TBCK: variants seen among roughly 807,000 people sequenced by gnomAD.
TBCK encodes TBC1 domain containing kinase.
A neutral mutation model predicts 113.4 loss-of-function variants in TBCK; 99 were observed. That is an observed-to-expected ratio of 0.87 (90% CI 0.74 to 1.03). The LOEUF (loss-of-function observed/expected upper bound fraction) is 1.03. Among genes scored for constraint, TBCK ranks in the 50% least tolerant of loss-of-function variants. TBCK has a pLI of 0.00. For missense variants in TBCK, 1,045 were observed against 1,061.3 expected, an observed-to-expected ratio of 0.98 and a Z score of 0.21; for synonymous variants, 369 against 370.8, an observed-to-expected ratio of 1.00 and a Z score of 0.05.
chr4:106,113,609 T>C (rs28765420), intron 24 of TBCK, among the ~76,000 whole-genome samples: 35,159 of 151,926 alleles, frequency 0.23, 4,136 homozygotes, highest in South Asian at 0.27. Context: ...GGACCCAACC[T>C]GGTACCAGAA....
chr4:106,234,285 T>G (rs1759210267), intron 15 of TBCK, among the ~76,000 whole-genome samples: 1 of 152,146 alleles, frequency 6.6e-6, no homozygotes, highest in African/African-American at 2.4e-5. Flanking sequence ...TATATTGTTC[T>G]ACAAGTCTAA....
intron 25 of TBCK, among the ~76,000 whole-genome samples, chr4:106,058,719 T>C (rs1418563041): frequency 2.0e-5 from 3 of 151,628 alleles, no homozygotes; most frequent in African/African-American, 7.3e-5. Flanking sequence ...TAAAAGATGA[T>C]TAGGATTCGA....
At chr4:106,154,676 T>C (rs1287362568) in intron 23 of TBCK, among the ~76,000 whole-genome samples, 1 of 152,160 alleles carries the variant, frequency 6.6e-6, no homozygotes, top group Non-Finnish European at 1.5e-5. Context: ...TCACTTTGCC[T>C]TCTGCCATGA....
intron 25 of TBCK, among the ~76,000 whole-genome samples, chr4:106,046,920 G>T (rs1166918478): frequency 6.6e-6 from 1 of 151,656 alleles, no homozygotes; most frequent in Non-Finnish European, 1.5e-5. Flanking sequence ...TGATTTTTTT[G>T]AATATGTGAT....
chr4:106,083,134 G>C (rs779792281), intron 25 of TBCK, among the ~76,000 whole-genome samples: 6 of 152,350 alleles, frequency 3.9e-5, no homozygotes, highest in Non-Finnish European at 8.8e-5. Context: ...GAGCTCCTTG[G>C]GGAAGGGGCA....
chr4:106,208,452 A>G (rs1471503738), intron 20 of TBCK, among the ~76,000 whole-genome samples: 1 of 149,814 alleles, frequency 6.7e-6, no homozygotes, highest in Non-Finnish European at 1.5e-5. Flanking sequence ...TCACAAACCA[A>G]TTAGCACATA....
chr4:106,215,401 G>A (rs1217657247), intron 19 of TBCK, among the ~76,000 whole-genome samples: 26 of 152,192 alleles, frequency 1.7e-4, no homozygotes, highest in Admixed American at 7.2e-4. Flanking sequence ...AAAGGCTCCA[G>A]TTAAAAGACA....
At chr4:106,273,709 G>T (rs939357304) in intron 3 of TBCK, among the ~76,000 whole-genome samples, 13 of 152,198 alleles carry the variant, frequency 8.5e-5, no homozygotes, top group Non-Finnish European at 1.6e-4. Flanking sequence ...GTGGCCACAA[G>T]CCAAAGAAGC....
intron 23 of TBCK, among the ~76,000 whole-genome samples, chr4:106,123,889 A>G (rs1744793509): frequency 6.7e-6 from 1 of 150,364 alleles, no homozygotes; most frequent in Non-Finnish European, 1.5e-5. Flanking sequence ...ACCTAAAACC[A>G]TAAAAACCCT....
At chr4:106,203,638 A>G (rs1405836293) in intron 20 of TBCK, among the ~76,000 whole-genome samples, 2 of 151,990 alleles carry the variant, frequency 1.3e-5, no homozygotes, top group African/African-American at 4.8e-5. Flanking sequence ...CAAAAGAACT[A>G]TACACTGAAA....
chr4:106,121,778 GA>G (rs1057492703), intron 23 of TBCK, among the ~76,000 whole-genome samples: 1 of 152,090 alleles, frequency 6.6e-6, no homozygotes, highest in African/African-American at 2.4e-5. Context: ...ATGACTACTG[GA>G]TACATGACGA....
At chr4:106,090,130 G>T (rs373960172) in intron 25 of TBCK, among the ~76,000 whole-genome samples, 2 of 152,350 alleles carry the variant, frequency 1.3e-5, no homozygotes, top group East Asian at 3.9e-4. Flanking sequence ...TTCCCCACAC[G>T]TGCTCTGGAA....
intron 12 of TBCK, among the ~76,000 whole-genome samples, chr4:106,242,105 T>G (rs934259111): frequency 6.6e-6 from 1 of 152,046 alleles, no homozygotes; most frequent in Non-Finnish European, 1.5e-5. Context: ...CTAGAATATG[T>G]GAAAAGACTT....
chr4:106,166,017 TCA>T (rs1360416011), intron 23 of TBCK, among the ~76,000 whole-genome samples: 1 of 151,738 alleles, frequency 6.6e-6, no homozygotes, highest in Non-Finnish European at 1.5e-5. Flanking sequence ...ACAATTTATC[TCA>T]GTTTATAAAA....
chr4:106,050,010 T>C (rs532149762), intron 25 of TBCK, among the ~76,000 whole-genome samples: 2 of 152,140 alleles, frequency 1.3e-5, no homozygotes, highest in South Asian at 2.1e-4. Context: ...CCTATACGTA[T>C]ATGTGGAGAG....
chr4:106,232,800 C>A, intron 17 of TBCK, 138 bp downstream of exon 17: 3 of 758,246 alleles, frequency 4.0e-6, no homozygotes, highest in South Asian at 4.6e-5. Context: ...GGATGTAAAC[C>A]TCTCAAAAAA....
intron 25 of TBCK, among the ~76,000 whole-genome samples, chr4:106,047,160 T>A (rs1734311261): frequency 6.6e-6 from 1 of 152,094 alleles, no homozygotes; most frequent in African/African-American, 2.4e-5. Flanking sequence ...TGTAACATGT[T>A]TTTGGAGCAA....
chr4:106,125,446 T>A (rs1375825601), intron 23 of TBCK, among the ~76,000 whole-genome samples: 5 of 152,122 alleles, frequency 3.3e-5, no homozygotes, highest in Non-Finnish European at 7.4e-5. Context: ...TGTAATCCCA[T>A]TATTTTATTG....
chr4:106,208,763 CTCTG>C (rs1755814971), intron 20 of TBCK, among the ~76,000 whole-genome samples: 1 of 152,116 alleles, frequency 6.6e-6, no homozygotes, highest in Non-Finnish European at 1.5e-5. Flanking sequence ...GAGAAGGGAC[CTCTG>C]GGCACCACAC....
Sources: allele counts gnomAD v4.1 joint callset (sites outside exome capture counted in the v4.1 genomes callset), GRCh38; gene constraint gnomAD v4.1.1; transcripts MANE v1.5; gene names NCBI Gene and HGNC (gene_info 2026-07-23, HGNC 2026-07-21).